CALN1: variants seen among roughly 807,000 people sequenced by gnomAD.
CALN1 encodes the protein calcium-binding protein 8.
In CALN1, 17 loss-of-function variants were observed where a neutral mutation model predicts 30.6. The ratio of observed to expected loss-of-function variants is 0.56; its 90% CI spans 0.38 to 0.83. The LOEUF is 0.83. Among genes scored for constraint, CALN1 ranks in the 40% least tolerant of loss-of-function variants. The pLI is 0.00. For missense variants in CALN1, 291 were observed against 354.9 expected, an observed-to-expected ratio of 0.82 and a Z score of 1.45; for synonymous variants, 156 against 131.4, an observed-to-expected ratio of 1.19 and a Z score of -1.28.
chr7:72,154,080 G>A (rs1332680708), intron 3 of CALN1, among the ~76,000 whole-genome samples: 1 of 152,194 alleles, frequency 6.6e-6, no homozygotes, highest in East Asian at 1.9e-4. Context: ...CAATGGTGTT[G>A]GAAGCATCCC....
At chr7:71,976,462 G>A (rs1798106116) in intron 5 of CALN1, among the ~76,000 whole-genome samples, 1 of 152,172 alleles carries the variant, frequency 6.6e-6, no homozygotes, top group African/African-American at 2.4e-5. Flanking sequence ...CCTGTGTCCT[G>A]GAGCATAGAT....
intron 6 of CALN1, among the ~76,000 whole-genome samples, chr7:71,801,714 T>C (rs564885097): frequency 3.9e-5 from 6 of 152,192 alleles, no homozygotes; most frequent in Admixed American, 2.6e-4. Context: ...CAGTGGCTCA[T>C]GCCTGTAATC....
At chr7:72,271,087 C>T (rs1443465110) in intron 3 of CALN1, among the ~76,000 whole-genome samples, 4 of 152,106 alleles carry the variant, frequency 2.6e-5, no homozygotes, top group African/African-American at 9.7e-5. Flanking sequence ...GGCTGACTGG[C>T]AATATAATTT....
chr7:72,119,394 C>T (rs1244945243), intron 3 of CALN1, among the ~76,000 whole-genome samples: 1 of 152,072 alleles, frequency 6.6e-6, no homozygotes, highest in East Asian at 1.9e-4. Context: ...GCAGGAAAGA[C>T]CTGACCCCAT....
intron 1 of CALN1, among the ~76,000 whole-genome samples, chr7:72,427,568 C>A (rs191329349): frequency 6.6e-6 from 1 of 152,174 alleles, no homozygotes; most frequent in South Asian, 2.1e-4. Context: ...GCTCTGTCAT[C>A]CAGGCTGAAG....
At position 72,254,629 on chromosome 7, in the gene CALN1, G is replaced by GT. The variant is rs201675389; in HGVS notation, c.244+24056dup. 7.4e-3 allele frequency among the ~76,000 whole-genome samples: 1,130 copies of GT among 152,126 alleles called. 7 individuals carry two copies. Among genetic ancestry groups the GT allele is most frequent in the Middle Eastern group, 0.017 (5 of 294 alleles). On this transcript the variant is annotated intron_variant, in intron 3 of 6. Coordinates refer to ENST00000395275, the MANE Select transcript of CALN1 (RefSeq NM_031468.4). ...TCAGAGGGCACTTCCTCACTCCGTT[G>GT]TTTTTTTATTTTTATTTTTTTTTGC...
chr7:72,035,796 A>C (rs930300338), intron 4 of CALN1, among the ~76,000 whole-genome samples: 2 of 152,208 alleles, frequency 1.3e-5, no homozygotes, highest in African/African-American at 2.4e-5. Flanking sequence ...TATACATTAC[A>C]TGGCCCAAAC....
chr7:72,449,492 C>T (rs142497747), upstream of CALN1, among the ~76,000 whole-genome samples: 5 of 152,334 alleles, frequency 3.3e-5, no homozygotes, highest in East Asian at 7.7e-4. Flanking sequence ...AAACCTCCCT[C>T]TGTGCCCACT....
chr7:71,994,628 G>C (rs1333835404), intron 5 of CALN1, among the ~76,000 whole-genome samples: 1 of 151,744 alleles, frequency 6.6e-6, no homozygotes, highest in Non-Finnish European at 1.5e-5. Context: ...CAACACACCA[G>C]AGTGAGGTTA....
At chr7:72,131,807 T>G (rs1238007709) in intron 3 of CALN1, among the ~76,000 whole-genome samples, 1 of 152,164 alleles carries the variant, frequency 6.6e-6, no homozygotes, top group Non-Finnish European at 1.5e-5. Flanking sequence ...ACTAGTTACG[T>G]TGCCTGGAAC....
Position 72,271,563 on chromosome 7 carries a change from T to TAAAAAAAAAAAAAAAAA in CALN1, c.244+7122_244+7123insTTTTTTTTTTTTTTTTT, listed in dbSNP as rs1426004146. ...AAGCATGAACCACTGTGCCTGCCTT[T>TAAAAAAAAAAAAAAAAA]TAAAAAAAAAAAATATATATATATA... is the stretch of plus-strand genomic sequence containing the variant. On this transcript the variant is annotated intron_variant, in intron 3 of 6. Coordinates refer to ENST00000395275, the MANE Select transcript of CALN1 (RefSeq NM_031468.4). Among the ~76,000 whole-genome samples the TAAAAAAAAAAAAAAAAA allele has an allele frequency of 1.2e-4, 9 of 76,308 alleles. 1 individual carries two copies. The highest frequency in any genetic ancestry group is 4.0e-4 in the African/African-American group (5 of 12,604). The allele number at this position is 76,308 out of a possible 152,430, so 50.1% of individuals were successfully genotyped here.
rs1004033495 is a variant in CALN1 at position 71,907,941 on chromosome 7, T to C, written c.502-97449A>G. Among the ~76,000 whole-genome samples the C allele has an allele frequency of 4.6e-5, 7 of 152,250 alleles. No individual in the cohort carries two copies. The South Asian group carries it at 1.4e-3, about 31-fold the overall frequency. Reference sequence around the variant, plus strand: ...AGGATTAATAAAAAATGTGTATGCATATGCGTGTGTGCGCGTGGACATGGG... The same window carrying C: ...AGGATTAATAAAAAATGTGTATGCACATGCGTGTGTGCGCGTGGACATGGG... On this transcript the variant is annotated intron_variant, in intron 5 of 6. Transcript: ENST00000395275.
intron 3 of CALN1, among the ~76,000 whole-genome samples, chr7:72,188,129 C>T (rs1332566888): frequency 6.6e-6 from 1 of 152,098 alleles, no homozygotes; most frequent in African/African-American, 2.4e-5. Flanking sequence ...TGCACATCTG[C>T]TCGGAGGAAA....
intron 3 of CALN1, among the ~76,000 whole-genome samples, chr7:72,151,477 T>G (rs2129544190): frequency 6.6e-6 from 1 of 152,296 alleles, no homozygotes; most frequent in Middle Eastern, 3.4e-3. Flanking sequence ...TCTGATGTAC[T>G]TGAGGGTTGG....
At chr7:72,086,978 CA>C (rs1225379482) in intron 4 of CALN1, among the ~76,000 whole-genome samples, 1 of 151,752 alleles carries the variant, frequency 6.6e-6, no homozygotes, top group African/African-American at 2.4e-5. Flanking sequence ...CAATAGACGT[CA>C]AAAAGTTACT....
At chr7:72,169,427 C>G (rs1342952793) in intron 3 of CALN1, among the ~76,000 whole-genome samples, 1 of 151,820 alleles carries the variant, frequency 6.6e-6, no homozygotes, top group Admixed American at 6.6e-5. Context: ...TCAAGTGATT[C>G]TCCTGTCTCA....
intron 4 of CALN1, among the ~76,000 whole-genome samples, chr7:72,036,487 A>G (rs932125813): frequency 2.6e-5 from 4 of 152,154 alleles, no homozygotes; most frequent in Non-Finnish European, 5.9e-5. Context: ...GGTCCACTTG[A>G]TGGACACGAT....
chr7:72,055,771 G>C (rs944902499), intron 4 of CALN1, among the ~76,000 whole-genome samples: 1 of 152,146 alleles, frequency 6.6e-6, no homozygotes, highest in African/African-American at 2.4e-5. Flanking sequence ...TAACGCTCTG[G>C]GGGGCTGAGG....
intron 5 of CALN1, among the ~76,000 whole-genome samples, chr7:71,943,497 G>A (rs1441099146): frequency 6.6e-6 from 1 of 152,158 alleles, no homozygotes; most frequent in African/African-American, 2.4e-5. Flanking sequence ...CTGGAGCACA[G>A]TGGCACGATA....
Sources: gnomAD v4.1 joint callset for allele counts (sites outside exome capture counted in the v4.1 genomes callset) on GRCh38, gnomAD v4.1.1 for gene constraint, MANE v1.5 for transcripts, NCBI Gene and HGNC (gene_info 2026-07-23, HGNC 2026-07-21) for gene names.